Variants in COG7 observed in about 807,000 individuals in gnomAD.
COG7 encodes the protein conserved oligomeric Golgi complex subunit 7.
In COG7, 49 loss-of-function variants were observed where a neutral mutation model predicts 91.5. The observed-to-expected ratio is 0.54, with a 90% CI of 0.43 to 0.68. The LOEUF (loss-of-function observed/expected upper bound fraction) is 0.68, where lower values mean the gene tolerates loss of function less well. COG7 is among the 30% of genes least tolerant of loss of function. The pLI is 0.00. For missense variants in COG7, 895 were observed against 961.3 expected (o/e 0.93, Z 0.91); for synonymous variants, 365 against 388.7 (o/e 0.94, Z 0.72).
In COG7 at chr16:23,413,568, C is replaced by T. The variant is rs1484585715; in HGVS notation, c.1293-4G>A. ...GCTGGTGAAATCAGACACATACCTGCCGGGAAAGGGAAGAAAATGGTAGGG... is the reference window on the plus strand; with the variant it reads ...GCTGGTGAAATCAGACACATACCTGTCGGGAAAGGGAAGAAAATGGTAGGG... On this transcript the variant is annotated splice_polypyrimidine_tract_variant and splice_region_variant and intron_variant, in intron 9 of 16. Coordinates refer to ENST00000307149, the MANE Select transcript of COG7 (RefSeq NM_153603.4). 3.3e-6 allele frequency: 5 copies of T among 1,527,370 alleles called. No homozygotes were observed. The highest frequency in any genetic ancestry group is 4.5e-6 in the Non-Finnish European group (5 of 1,100,996). The allele number at this position is 1,527,370 out of a possible 1,614,324, so 94.6% of individuals were successfully genotyped here. A position where few individuals can be genotyped will look rare whatever the true frequency, so the allele number is the denominator to read the frequency against.
intron 13 of COG7, among the ~76,000 whole-genome samples, chr16:23,399,515 C>A (rs1469448232): frequency 6.6e-6 from 1 of 152,122 alleles, no homozygotes; most frequent in Non-Finnish European, 1.5e-5. Context: ...CTTGGGGAAG[C>A]AAGACCCCCT....
chr16:23,433,768 A>T, intron 5 of COG7, 101 bp from the exon 6 acceptor site: 1 of 1,401,226 alleles, frequency 7.1e-7, no homozygotes. Context: ...GGATTGCTCA[A>T]TGGGCTCACT....
rs759680428 is a variant in COG7, at chr16:23,398,142, C to T, written c.1804-13G>A. The T allele has an allele frequency of 1.5e-5, 24 of 1,610,010 alleles. No homozygotes were observed. The highest frequency in any genetic ancestry group is 8.8e-5 in the South Asian group (8 of 90,970). Reference sequence around the variant, plus strand: ...CCGTATTCCAGCTCTAAGGGTGGAACGAGAGGACACAATCAGTACCTAGCA... The same window carrying T: ...CCGTATTCCAGCTCTAAGGGTGGAATGAGAGGACACAATCAGTACCTAGCA... On this transcript the variant is annotated splice_polypyrimidine_tract_variant and intron_variant, in intron 13 of 16. Transcript: ENST00000307149.
chr16:23,399,677 C>T (rs1414745447), intron 13 of COG7, among the ~76,000 whole-genome samples: 2 of 152,004 alleles, frequency 1.3e-5, no homozygotes, highest in African/African-American at 4.8e-5. Context: ...ATTAGAGAAG[C>T]GGCTGGCCAT....
At chr16:23,390,190 G>GTTT (rs1056918558) in intron 16 of COG7, 12 of 125,678 alleles carry the variant, frequency 9.5e-5, no homozygotes, top group Non-Finnish European at 1.4e-4. Context: ...CCCCTGGCTA[G>GTTT]TTTTTTTTTT....
chr16:23,396,283 T>G (rs1030465052), intron 14 of COG7, among the ~76,000 whole-genome samples: 7 of 152,172 alleles, frequency 4.6e-5, no homozygotes, highest in Admixed American at 4.6e-4. Context: ...TAGACCTCAG[T>G]TTCTTCAACT....
chr16:23,395,219 A>G (rs1490519356), intron 14 of COG7, among the ~76,000 whole-genome samples: 1 of 152,210 alleles, frequency 6.6e-6, no homozygotes, highest in Non-Finnish European at 1.5e-5. Flanking sequence ...TACCTCACTA[A>G]TAACAACAGC....
intron 6 of COG7, among the ~76,000 whole-genome samples, chr16:23,425,198 T>C (rs766320402): frequency 2.0e-5 from 3 of 152,126 alleles, no homozygotes; most frequent in African/African-American, 4.8e-5. Flanking sequence ...TAATCCCACC[T>C]ATTCGGGAAG....
chr16:23,444,239 C>T (rs186823143), intron 3 of COG7, among the ~76,000 whole-genome samples: 6 of 151,852 alleles, frequency 4.0e-5, no homozygotes, highest in Admixed American at 2.6e-4. Flanking sequence ...TAAATTTGTT[C>T]CCATGTGCAT....
chr16:23,439,429 T>C (rs1225051372), intron 4 of COG7, among the ~76,000 whole-genome samples: 1 of 152,126 alleles, frequency 6.6e-6, no homozygotes, highest in East Asian at 1.9e-4. Flanking sequence ...CATTCTAGCA[T>C]TCTTCACAAT....
rs926907914 is a variant in COG7, at chr16:23,453,160, G to T, written c.-166C>A. ...GCCCCTTTGCGCTTCCCCGCTCAGCGCACTCAGTTTGCGGCTGGGAATGAC... is the reference window on the plus strand; with the variant it reads ...GCCCCTTTGCGCTTCCCCGCTCAGCTCACTCAGTTTGCGGCTGGGAATGAC... On this transcript the variant is annotated 5_prime_UTR_variant, in exon 1 of 17. Coordinates refer to ENST00000307149, the MANE Select transcript of COG7 (RefSeq NM_153603.4). 7.1e-7 allele frequency: 1 copy of T among 1,414,660 alleles called. No homozygotes were observed. The highest frequency in any genetic ancestry group is 9.3e-7 in the Non-Finnish European group (1 of 1,077,864). 87.6% of individuals were successfully genotyped at this position (1,414,660 alleles called of 1,614,324 possible).
chr16:23,432,874 G>A (rs377391754), intron 6 of COG7, among the ~76,000 whole-genome samples: 1 of 152,012 alleles, frequency 6.6e-6, no homozygotes, highest in African/African-American at 2.4e-5. Context: ...CTGTTCATTC[G>A]AACACCACCT....
In COG7 at chr16:23,424,801, G is replaced by A. The variant is rs759237979; in HGVS notation, c.957C>T (p.Asp319=). The stretch of plus-strand genomic sequence containing the variant: ...AGCCCTTGGCGAAGTGGGCGGTGGC[G>A]TCGTAGAACTCCAGCAGCCTGGTGA... The part of the protein sequence containing the change: ...QELTRLLEFY[D]ATAHFAKGLE... Residue 319 remains aspartate (D), a synonymous_variant, in exon 7 of 17, where the codon GAC becomes GAT. Transcript: ENST00000307149. 29 of 1,614,192 alleles carry A rather than the reference G, an allele frequency of 1.8e-5. No homozygotes were observed. The highest frequency in any genetic ancestry group is 2.3e-5 in the Non-Finnish European group (27 of 1,180,032).
At chr16:23,410,183 C>A in intron 11 of COG7, 112 bp downstream of exon 11, 1 of 805,580 alleles carries the variant, frequency 1.2e-6, no homozygotes, top group Non-Finnish European at 2.2e-6. Flanking sequence ...AGTCCTCCAG[C>A]CCTGTGGCCT....
chr16:23,391,939 A>C, intron 16 of COG7: 1 of 1,019,782 alleles, frequency 9.8e-7, no homozygotes, highest in Non-Finnish European at 1.2e-6. Flanking sequence ...CCCTATCGGT[A>C]TGATGGAGAA....
At chr16:23,431,277 C>G (rs1963930073) in intron 6 of COG7, among the ~76,000 whole-genome samples, 1 of 152,248 alleles carries the variant, frequency 6.6e-6, no homozygotes, top group Non-Finnish European at 1.5e-5. Flanking sequence ...GCTATACCGA[C>G]CTTCAGGAGG....
chr16:23,417,510 T>G (rs912322649), intron 8 of COG7, among the ~76,000 whole-genome samples: 1 of 152,224 alleles, frequency 6.6e-6, no homozygotes, highest in African/African-American at 2.4e-5. Context: ...CTCAAGCCTG[T>G]AATCCCAGTA....
intron 16 of COG7, among the ~76,000 whole-genome samples, chr16:23,390,504 C>T (rs187941822): frequency 9.3e-5 from 14 of 150,654 alleles, no homozygotes; most frequent in Non-Finnish European, 1.9e-4. Context: ...GCGCTCAGTG[C>T]CCCCCCACCG....
intron 6 of COG7, among the ~76,000 whole-genome samples, chr16:23,430,448 T>C (rs1376063491): frequency 6.6e-6 from 1 of 151,010 alleles, no homozygotes; most frequent in Non-Finnish European, 1.5e-5. Context: ...AAAAAAAAGA[T>C]TGTATTTCAC....
Sources: gnomAD v4.1 joint callset for allele counts (sites outside exome capture counted in the v4.1 genomes callset) on GRCh38, gnomAD v4.1.1 for gene constraint, MANE v1.5 for transcripts, NCBI Gene and HGNC (gene_info 2026-07-23, HGNC 2026-07-21) for gene names.